The following BCAT1 variants were observed in gnomAD, a reference collection of about 807,000 sequenced individuals.
The protein encoded by BCAT1 is branched chain amino acid transaminase 1.
Under a neutral mutation model 52.4 loss-of-function variants are expected in BCAT1, and 48 were observed. The ratio of observed to expected loss-of-function variants is 0.92; its 90% CI spans 0.73 to 1.16. The LOEUF is 1.16. BCAT1 is among the 50% of genes most tolerant of loss of function. BCAT1 has a pLI of 0.00. For synonymous variants in BCAT1, 167 were observed against 161.3 expected (o/e 1.04, Z -0.27); for missense variants, 451 against 457.1 (o/e 0.99, Z 0.12).
At chr12:24,887,932 A>C (rs80211982) in intron 3 of BCAT1, among the ~76,000 whole-genome samples, 3,271 of 152,318 alleles carry the variant, frequency 0.021, 48 homozygotes, top group East Asian at 0.053. Context: ...CTCAAAATAA[A>C]ATGGATTCTA....
chr12:24,948,111 C>T (rs1262671916), intron 1 of BCAT1, among the ~76,000 whole-genome samples: 1 of 152,202 alleles, frequency 6.6e-6, no homozygotes, highest in African/African-American at 2.4e-5. Context: ...GTTCAGATTG[C>T]ATTATGGTCA....
chr12:24,931,567 C>T (rs997136450), intron 1 of BCAT1, among the ~76,000 whole-genome samples: 1 of 152,104 alleles, frequency 6.6e-6, no homozygotes, highest in African/African-American at 2.4e-5. Flanking sequence ...TAAAAAGGAC[C>T]TGAAATACGA....
At chr12:24,912,062 C>A (rs962667545) in intron 1 of BCAT1, among the ~76,000 whole-genome samples, 6 of 152,014 alleles carry the variant, frequency 3.9e-5, no homozygotes, top group Admixed American at 3.9e-4. Flanking sequence ...TTCAGGTTAA[C>A]CTATGCTGAG....
intron 5 of BCAT1, among the ~76,000 whole-genome samples, 191 bp from the exon 6 acceptor site, chr12:24,850,140 A>G (rs542552353): frequency 1.8e-4 from 27 of 152,304 alleles, no homozygotes; most frequent in African/African-American, 6.3e-4. Flanking sequence ...GAGTACATAC[A>G]TTTCATTTTG....
At chr12:24,851,975 A>G (rs1941528066) in intron 5 of BCAT1, among the ~76,000 whole-genome samples, 1 of 152,060 alleles carries the variant, frequency 6.6e-6, no homozygotes, top group African/African-American at 2.4e-5. Context: ...TCTCATGTCA[A>G]ATTGGAGGAG....
At chr12:24,932,921 C>T (rs1457024146) in intron 1 of BCAT1, among the ~76,000 whole-genome samples, 1 of 152,148 alleles carries the variant, frequency 6.6e-6, no homozygotes, top group African/African-American at 2.4e-5. Context: ...AAGTGATTCT[C>T]CTGCCTCAGC....
intron 1 of BCAT1, among the ~76,000 whole-genome samples, chr12:24,942,479 G>A (rs1325637018): frequency 2.0e-5 from 3 of 151,794 alleles, no homozygotes; most frequent in Non-Finnish European, 4.4e-5. Flanking sequence ...GGGAGGCAGA[G>A]GTTGCAGTGA....
chr12:24,887,245 C>T (rs1030067693), intron 3 of BCAT1, among the ~76,000 whole-genome samples: 4 of 151,080 alleles, frequency 2.6e-5, no homozygotes, highest in African/African-American at 4.9e-5. Context: ...GTCTGGAAGA[C>T]CCCTTGTAGC....
rs145649316 is a variant in BCAT1 at position 24,932,056 on chromosome 12, G to C, written c.6+16871C>G. ...GAGGCTGTCAGGAAGTTGGGAATTG[G>C]AAAGAATTCATAATAAATATATAGT... is the stretch of plus-strand genomic sequence containing the variant. On this transcript the variant is annotated intron_variant, in intron 1 of 10. Transcript: ENST00000261192. Among the ~76,000 whole-genome samples, 74 of 152,270 alleles carry C rather than the reference G, an allele frequency of 4.9e-4. 1 individual carries two copies. In the East Asian group the frequency reaches 0.013, roughly 26 times the overall value.
At chr12:24,878,431 T>C in intron 5 of BCAT1, 99 bp downstream of exon 5, 10 of 1,122,548 alleles carry the variant, frequency 8.9e-6, no homozygotes, top group Non-Finnish European at 9.7e-6. Flanking sequence ...ATGATGCTAC[T>C]GGGGGGCTAC....
At chr12:24,878,737 A>G in intron 4 of BCAT1, 88 bp from the exon 5 acceptor site, 1 of 1,242,032 alleles carries the variant, frequency 8.1e-7, no homozygotes, top group Non-Finnish European at 1.1e-6. Context: ...TTAAACTGTT[A>G]AAAAATTAAT....
At position 24,899,559 on chromosome 12, in the gene BCAT1, T is replaced by C. The variant is rs114216668; in HGVS notation, c.78+2255A>G. Among the ~76,000 whole-genome samples the C allele has an allele frequency of 6.4e-3, 972 of 152,204 alleles. 13 individuals carry two copies. Among genetic ancestry groups the C allele is most frequent in the African/African-American group, 0.023 (945 of 41,530 alleles). The stretch of plus-strand genomic sequence containing the variant: ...TATTTTCCAAAGGAAAGGAAATCAG[T>C]ATATCAAAGGGATATCTGCAGTCCC... On this transcript the variant is annotated intron_variant, in intron 2 of 10. Transcript: ENST00000261192.
At chr12:24,872,924 C>T (rs1191383120) in intron 5 of BCAT1, among the ~76,000 whole-genome samples, 5 of 152,204 alleles carry the variant, frequency 3.3e-5, no homozygotes, top group African/African-American at 1.2e-4. Context: ...CTAAGAGCAA[C>T]AATCAAATGG....
chr12:24,943,916 G>A (rs1358171102), intron 1 of BCAT1, among the ~76,000 whole-genome samples: 2 of 151,922 alleles, frequency 1.3e-5, no homozygotes, highest in Admixed American at 1.3e-4. Flanking sequence ...CCCAGGAGGC[G>A]GAGCTTGCAG....
chr12:24,885,303 A>G (rs1469440316), intron 3 of BCAT1, among the ~76,000 whole-genome samples: 1 of 152,208 alleles, frequency 6.6e-6, no homozygotes, highest in African/African-American at 2.4e-5. Context: ...CAGTAGAATT[A>G]AAAGATACAG....
Position 24,814,421 on chromosome 12 carries a change from A to AG in BCAT1, c.*3586_*3587insC, listed in dbSNP as rs1785639413. 1 of 151,758 alleles carries AG rather than the reference A, an allele frequency of 6.6e-6. No homozygotes were observed. The highest frequency in any genetic ancestry group is 2.4e-5 in the African/African-American group (1 of 41,330). The allele number at this position is 151,758 out of a possible 1,614,324, so 9.4% of individuals were successfully genotyped here. Reference sequence around the variant, plus strand: ...GGAAACCAAATATGCAACTTGAAAAAAAAAAAGGAAACAGAATATAGTGAC... The same window carrying AG: ...GGAAACCAAATATGCAACTTGAAAAAGAAAAAAGGAAACAGAATATAGTGAC... On this transcript the variant is annotated 3_prime_UTR_variant, in exon 11 of 11. Transcript: ENST00000261192.
intron 5 of BCAT1, among the ~76,000 whole-genome samples, chr12:24,859,752 C>T (rs1021487510): frequency 2.0e-5 from 3 of 151,652 alleles, no homozygotes; most frequent in African/African-American, 7.3e-5. Context: ...TGATATTTGA[C>T]AAACTTTCCA....
chr12:24,921,587 C>CAGATACAT (rs1943500888), intron 1 of BCAT1, among the ~76,000 whole-genome samples: 1 of 152,226 alleles, frequency 6.6e-6, no homozygotes, highest in South Asian at 2.1e-4. Context: ...ATTTACAAGA[C>CAGATACAT]AGATACATCA....
At chr12:24,922,021 G>A (rs1943506348) in intron 1 of BCAT1, among the ~76,000 whole-genome samples, 1 of 152,112 alleles carries the variant, frequency 6.6e-6, no homozygotes, top group South Asian at 2.1e-4. Context: ...TTTAATGAAA[G>A]AACTAGGGGT....
Sources: gnomAD v4.1 joint callset for allele counts (sites outside exome capture counted in the v4.1 genomes callset) on GRCh38, gnomAD v4.1.1 for gene constraint, MANE v1.5 for transcripts, NCBI Gene and HGNC (gene_info 2026-07-23, HGNC 2026-07-21) for gene names.